The following ZBTB7C variants were observed in gnomAD, a reference collection of about 807,000 sequenced individuals.
ZBTB7C encodes zinc finger and BTB domain containing 7C, also known as zinc finger and BTB domain-containing protein 7C.
ZBTB7C carries 8 observed loss-of-function variants against 25.7 expected under a neutral mutation model. The ratio of observed to expected loss-of-function variants is 0.31; its 90% confidence interval spans 0.18 to 0.56. The LOEUF is 0.56. Ranked by LOEUF, ZBTB7C falls within the 20% of genes least tolerant of loss-of-function variation. The pLI is 0.91. For synonymous variants in ZBTB7C, 394 were observed against 369.0 expected, an observed-to-expected ratio of 1.07 and a Z score of -0.78; for missense variants, 824 against 855.2, an observed-to-expected ratio of 0.96 and a Z score of 0.46.
intron 2 of ZBTB7C, among the ~76,000 whole-genome samples, chr18:48,276,432 C>T (rs1312330951): frequency 5.8e-5 from 8 of 137,584 alleles, no homozygotes; most frequent in African/African-American, 1.1e-4. Context: ...GTATATCTCC[C>T]AATGCTATCC....
intron 3 of ZBTB7C, chr18:48,041,354 C>A (rs997092047): frequency 3.0e-6 from 3 of 985,468 alleles, no homozygotes; most frequent in Admixed American, 6.1e-5. Context: ...TCTCACTGGG[C>A]AGCTGGTGTC....
intron 3 of ZBTB7C, among the ~76,000 whole-genome samples, chr18:48,063,221 G>A (rs182537598): frequency 9.9e-5 from 15 of 152,280 alleles, no homozygotes; most frequent in Admixed American, 2.6e-4. Flanking sequence ...GTTCATCTCC[G>A]CCTCCTTGTA....
At chr18:48,248,926 C>T (rs1483292019) in intron 2 of ZBTB7C, among the ~76,000 whole-genome samples, 5 of 152,110 alleles carry the variant, frequency 3.3e-5, no homozygotes, top group Admixed American at 3.3e-4. Flanking sequence ...TAATAGTTAT[C>T]ACCTACAAAG....
At chr18:48,083,958 G>T in intron 3 of ZBTB7C, 2 of 913,886 alleles carry the variant, frequency 2.2e-6, no homozygotes, top group Non-Finnish European at 1.3e-6. Flanking sequence ...ACCTGAGACC[G>T]ACTCTCCAGG....
chr18:48,270,668 C>T (rs1299401824), intron 2 of ZBTB7C, among the ~76,000 whole-genome samples: 1 of 148,208 alleles, frequency 6.7e-6, no homozygotes, highest in Non-Finnish European at 1.5e-5. Context: ...CCAGCCTGGG[C>T]CACAGAGTGA....
chr18:48,113,473 T>C (rs757840982), intron 3 of ZBTB7C, among the ~76,000 whole-genome samples: 9 of 152,348 alleles, frequency 5.9e-5, no homozygotes, highest in South Asian at 2.1e-4. Context: ...CCCTGGAACT[T>C]ACTCTATTAA....
chr18:48,173,706 C>A (rs1051459715), intron 3 of ZBTB7C, among the ~76,000 whole-genome samples: 3 of 152,254 alleles, frequency 2.0e-5, no homozygotes, highest in African/African-American at 7.2e-5. Flanking sequence ...AAATTTTACA[C>A]TGAGTGCCTC....
chr18:48,140,665 T>A (rs969353676), intron 3 of ZBTB7C, among the ~76,000 whole-genome samples: 1 of 152,128 alleles, frequency 6.6e-6, no homozygotes, highest in Non-Finnish European at 1.5e-5. Flanking sequence ...AGGGGGAGGC[T>A]GAGAGGGAGG....
intron 1 of ZBTB7C, among the ~76,000 whole-genome samples, chr18:48,369,759 A>G (rs2047342095): frequency 6.6e-6 from 1 of 152,232 alleles, no homozygotes; most frequent in Admixed American, 6.5e-5. Flanking sequence ...GCAAAACCCA[A>G]AAGAACTAAA....
intron 3 of ZBTB7C, among the ~76,000 whole-genome samples, chr18:48,096,010 C>T (rs1418637117): frequency 6.6e-6 from 1 of 152,228 alleles, no homozygotes; most frequent in Non-Finnish European, 1.5e-5. Flanking sequence ...CAAAGCTGCC[C>T]TTTCTCCTGG....
intron 2 of ZBTB7C, among the ~76,000 whole-genome samples, chr18:48,240,116 C>T (rs2043484886): frequency 6.6e-6 from 1 of 151,936 alleles, no homozygotes; most frequent in Non-Finnish European, 1.5e-5. Context: ...GAAGAAAGAA[C>T]TTCAGAGCTC....
intron 2 of ZBTB7C, among the ~76,000 whole-genome samples, chr18:48,283,379 A>G (rs1044549848): frequency 1.1e-4 from 16 of 152,188 alleles, no homozygotes; most frequent in African/African-American, 3.9e-4. Context: ...TTTTTTCCAA[A>G]TTCCCTGCAA....
At chr18:48,046,306 T>A (rs903572188) in intron 3 of ZBTB7C, among the ~76,000 whole-genome samples, 3 of 152,246 alleles carry the variant, frequency 2.0e-5, no homozygotes, top group African/African-American at 7.2e-5. Flanking sequence ...ATTACAACAA[T>A]GTTTTGATAG....
chr18:48,395,818 TA>T (rs1159287607), intron 1 of ZBTB7C, among the ~76,000 whole-genome samples: 1 of 152,040 alleles, frequency 6.6e-6, no homozygotes, highest in Non-Finnish European at 1.5e-5. Context: ...TGAGAAGAAG[TA>T]AAAAATTCTC....
intron 3 of ZBTB7C, among the ~76,000 whole-genome samples, chr18:48,139,403 GT>G (rs1242525965): frequency 1.3e-5 from 2 of 152,148 alleles, no homozygotes; most frequent in Non-Finnish European, 2.9e-5. Context: ...GAGGGAAGCT[GT>G]AGGGAGGGGT....
chr18:48,383,155 T>G (rs1290773055), intron 1 of ZBTB7C, among the ~76,000 whole-genome samples: 1 of 152,208 alleles, frequency 6.6e-6, no homozygotes, highest in Non-Finnish European at 1.5e-5. Flanking sequence ...ACCAGCCTAC[T>G]GGCCTAGGTC....
intron 1 of ZBTB7C, among the ~76,000 whole-genome samples, chr18:48,382,638 T>C (rs998457347): frequency 7.9e-5 from 12 of 152,248 alleles, no homozygotes; most frequent in African/African-American, 2.9e-4. Flanking sequence ...AGGTTGATGA[T>C]GCAGAAACCC....
chr18:48,251,885 G>A (rs1439657643), intron 2 of ZBTB7C, among the ~76,000 whole-genome samples: 1 of 152,176 alleles, frequency 6.6e-6, no homozygotes, highest in African/African-American at 2.4e-5. Context: ...CTGCAGGAGA[G>A]AGAGCTATTC....
chr18:48,093,927 C>T (rs1447743078), intron 3 of ZBTB7C, among the ~76,000 whole-genome samples: 1 of 152,066 alleles, frequency 6.6e-6, no homozygotes, highest in African/African-American at 2.4e-5. Flanking sequence ...GGCGTAGTGG[C>T]AGGTGCCTGT....
Sources: allele counts gnomAD v4.1 joint callset (sites outside exome capture counted in the v4.1 genomes callset), GRCh38; gene constraint gnomAD v4.1.1; transcripts MANE v1.5; gene names NCBI Gene and HGNC (gene_info 2026-07-23, HGNC 2026-07-21).